Variants in MDGA2 observed in about 807,000 individuals in gnomAD.
MDGA2 encodes MAM domain-containing glycosylphosphatidylinositol anchor protein 2.
Under a neutral mutation model 117.8 loss-of-function variants are expected in MDGA2, and 40 were observed. The observed-to-expected ratio is 0.34, with a 90% CI of 0.26 to 0.44. MDGA2 has a LOEUF of 0.44. Ranked by LOEUF, MDGA2 falls within the 20% of genes least tolerant of loss-of-function variation. MDGA2 has a pLI of 1.00. For missense variants in MDGA2, 1,123 were observed against 1,250.6 expected (o/e 0.90, Z 1.54); for synonymous variants, 452 against 439.0 (o/e 1.03, Z -0.37).
At chr14:47,351,313 C>T (rs1328867897) in intron 1 of MDGA2, among the ~76,000 whole-genome samples, 1 of 152,162 alleles carries the variant, frequency 6.6e-6, no homozygotes, top group Non-Finnish European at 1.5e-5. Flanking sequence ...GACTCCTGAC[C>T]TCAAGTGATC....
At chr14:47,476,099 T>C (rs1470030845) in intron 1 of MDGA2, among the ~76,000 whole-genome samples, 2 of 152,154 alleles carry the variant, frequency 1.3e-5, no homozygotes, top group African/African-American at 4.8e-5. Flanking sequence ...AAAAAGCATA[T>C]ATAAAAATGT....
chr14:47,368,530 T>C (rs1211866896), intron 1 of MDGA2, among the ~76,000 whole-genome samples: 2 of 152,198 alleles, frequency 1.3e-5, no homozygotes, highest in Non-Finnish European at 2.9e-5. Flanking sequence ...ATTAGTCTTG[T>C]GCTTGCAAGG....
intron 7 of MDGA2, among the ~76,000 whole-genome samples, chr14:47,058,219 T>G (rs951472132): frequency 5.9e-5 from 9 of 152,108 alleles, no homozygotes; most frequent in African/African-American, 2.2e-4. Flanking sequence ...ACAATTGAGA[T>G]TCGATGTAAG....
chr14:47,257,484 C>G (rs1480027110), intron 2 of MDGA2, among the ~76,000 whole-genome samples: 1 of 152,072 alleles, frequency 6.6e-6, no homozygotes, highest in Non-Finnish European at 1.5e-5. Flanking sequence ...CCACCTACTA[C>G]TCTTATATTT....
At chr14:47,515,476 T>C (rs1254211310) in intron 1 of MDGA2, among the ~76,000 whole-genome samples, 1 of 152,120 alleles carries the variant, frequency 6.6e-6, no homozygotes, top group Non-Finnish European at 1.5e-5. Flanking sequence ...GGGCATTGCT[T>C]CCTGATTCTT....
chr14:47,306,994 TAAC>T (rs1889473208), intron 1 of MDGA2, among the ~76,000 whole-genome samples: 2 of 152,156 alleles, frequency 1.3e-5, no homozygotes, highest in Non-Finnish European at 2.9e-5. Flanking sequence ...AAAGCAAACA[TAAC>T]AATAATCAAA....
intron 2 of MDGA2, among the ~76,000 whole-genome samples, chr14:47,295,740 T>C (rs552120032): frequency 6.6e-6 from 1 of 151,874 alleles, no homozygotes; most frequent in Non-Finnish European, 1.5e-5. Flanking sequence ...TGGGTCTTTA[T>C]TAAAAATACA....
intron 2 of MDGA2, among the ~76,000 whole-genome samples, chr14:47,219,534 A>C (rs1173793762): frequency 6.6e-6 from 1 of 152,052 alleles, no homozygotes; most frequent in Admixed American, 6.5e-5. Flanking sequence ...AAATTTGTAA[A>C]TTATGTCAAA....
At chr14:47,360,549 A>T (rs1891097887) in intron 1 of MDGA2, among the ~76,000 whole-genome samples, 1 of 152,078 alleles carries the variant, frequency 6.6e-6, no homozygotes, top group Admixed American at 6.6e-5. Flanking sequence ...TCTGTCAGGA[A>T]TATTATCAAA....
intron 1 of MDGA2, among the ~76,000 whole-genome samples, chr14:47,389,897 G>C (rs1891854599): frequency 6.6e-6 from 1 of 152,168 alleles, no homozygotes; most frequent in Non-Finnish European, 1.5e-5. Flanking sequence ...GATAGTAAGA[G>C]AGAAGCCATT....
intron 1 of MDGA2, among the ~76,000 whole-genome samples, chr14:47,586,768 G>C (rs1301005825): frequency 1.1e-4 from 17 of 151,894 alleles, no homozygotes; most frequent in Admixed American, 1.1e-3. Flanking sequence ...CAGGAGGACA[G>C]CAACATAAGG....
At chr14:47,068,535 C>G (rs1219340640) in intron 6 of MDGA2, among the ~76,000 whole-genome samples, 1 of 151,596 alleles carries the variant, frequency 6.6e-6, no homozygotes, top group South Asian at 2.1e-4. Flanking sequence ...TACCTTAGCA[C>G]CAGTTATTTG....
intron 8 of MDGA2, among the ~76,000 whole-genome samples, chr14:47,020,552 T>C (rs1888250832): frequency 6.6e-6 from 1 of 151,922 alleles, no homozygotes; most frequent in South Asian, 2.1e-4. Context: ...TATGTATGAA[T>C]GTATGTGTGT....
At chr14:47,476,754 T>C (rs186963806) in intron 1 of MDGA2, among the ~76,000 whole-genome samples, 110 of 152,266 alleles carry the variant, frequency 7.2e-4, no homozygotes, top group African/African-American at 2.4e-3. Flanking sequence ...GAAAATATAA[T>C]TGAAAATATA....
intron 8 of MDGA2, among the ~76,000 whole-genome samples, chr14:46,970,023 T>C (rs955630943): frequency 2.0e-5 from 3 of 147,130 alleles, no homozygotes; most frequent in African/African-American, 7.5e-5. Context: ...CAAGGGCAAC[T>C]ACAGAACTGA....
intron 7 of MDGA2, among the ~76,000 whole-genome samples, chr14:47,035,827 G>A (rs767270560): frequency 7.2e-5 from 11 of 151,750 alleles, no homozygotes; most frequent in Non-Finnish European, 1.0e-4. Context: ...TCCATTTTTG[G>A]ACTTTTAATT....
At chr14:47,565,875 A>G (rs927102509) in intron 1 of MDGA2, among the ~76,000 whole-genome samples, 7 of 152,178 alleles carry the variant, frequency 4.6e-5, no homozygotes, top group African/African-American at 7.2e-5. Flanking sequence ...AATGTGGGGC[A>G]GGGAATGGGG....
chr14:47,663,866 C>T (rs1344972817), intron 1 of MDGA2, among the ~76,000 whole-genome samples: 1 of 151,884 alleles, frequency 6.6e-6, no homozygotes, highest in East Asian at 1.9e-4. Flanking sequence ...TGCTGTTTTC[C>T]AATTAGTCTT....
chr14:47,309,553 A>G (rs1013724414), intron 1 of MDGA2, among the ~76,000 whole-genome samples: 13 of 152,110 alleles, frequency 8.5e-5, no homozygotes, highest in African/African-American at 3.1e-4. Flanking sequence ...GTTATAAAGT[A>G]ACTGAACCAC....
Sources: allele counts gnomAD v4.1 joint callset (sites outside exome capture counted in the v4.1 genomes callset), GRCh38; gene constraint gnomAD v4.1.1; transcripts MANE v1.5; gene names NCBI Gene and HGNC (gene_info 2026-07-23, HGNC 2026-07-21).